Variants in GHR observed in about 807,000 individuals in gnomAD.
GHR encodes the protein GH receptor.
A neutral mutation model predicts 67.1 loss-of-function variants in GHR; 35 were observed. The ratio of observed to expected loss-of-function variants is 0.52; its 90% CI spans 0.40 to 0.69. The LOEUF (loss-of-function observed/expected upper bound fraction) is 0.69, where lower values mean the gene tolerates loss of function less well. GHR is among the 30% of genes least tolerant of loss of function. The probability of loss-of-function intolerance (pLI) is 0.00; values close to 1 mark genes in which losing one functional copy is unlikely to be tolerated. For missense variants in GHR, 792 were observed against 764.6 expected (o/e 1.04, Z -0.42); for synonymous variants, 272 against 269.1 (o/e 1.01, Z -0.10).
intron 1 of GHR, among the ~76,000 whole-genome samples, chr5:42,489,549 T>C (rs553264944): frequency 6.6e-6 from 1 of 152,286 alleles, no homozygotes; most frequent in East Asian, 1.9e-4. Context: ...TGATTGCCAT[T>C]TATTGAGCAG....
At position 42,435,091 on chromosome 5, in the gene GHR, A is replaced by G. The variant is rs562601231; in HGVS notation, c.-12+11136A>G. On this transcript the variant is annotated intron_variant, in intron 1 of 9. Coordinates refer to ENST00000230882, the MANE Select transcript of GHR (RefSeq NM_000163.5). ...GCAGATATAGAGAATTCCCTACAGT[A>G]TCTTTTTGAGCATAAAGACTTGAAA... is the stretch of plus-strand genomic sequence containing the variant. Among the ~76,000 whole-genome samples, 19 of 152,330 alleles carry G rather than the reference A, an allele frequency of 1.2e-4. No homozygotes were observed. In the South Asian group the frequency reaches 3.9e-3, roughly 32 times the overall value.
chr5:42,493,732 C>T (rs1004890251), intron 1 of GHR, among the ~76,000 whole-genome samples: 1 of 152,106 alleles, frequency 6.6e-6, no homozygotes, highest in Admixed American at 6.6e-5. Flanking sequence ...CATTTTTACA[C>T]GTTTAGGCCT....
chr5:42,617,646 C>T (rs1753230911), intron 2 of GHR, among the ~76,000 whole-genome samples: 1 of 152,192 alleles, frequency 6.6e-6, no homozygotes, highest in South Asian at 2.1e-4. Flanking sequence ...TTCCCACATT[C>T]GATCAGGGAA....
intron 1 of GHR, among the ~76,000 whole-genome samples, chr5:42,541,007 G>T (rs1324756242): frequency 1.8e-4 from 23 of 124,366 alleles, no homozygotes; most frequent in African/African-American, 6.0e-4. Flanking sequence ...GTTCCATATT[G>T]TTTTTTTACA....
At chr5:42,590,365 T>C (rs1306912258) in intron 2 of GHR, among the ~76,000 whole-genome samples, 1 of 152,026 alleles carries the variant, frequency 6.6e-6, no homozygotes, top group Non-Finnish European at 1.5e-5. Flanking sequence ...GAGAAATGTC[T>C]CTGCTGGGGA....
intron 1 of GHR, among the ~76,000 whole-genome samples, chr5:42,482,737 A>G (rs1745706295): frequency 6.6e-6 from 1 of 152,192 alleles, no homozygotes; most frequent in Non-Finnish European, 1.5e-5. Context: ...GGGAAAGTGC[A>G]GTATTAGGGT....
intron 1 of GHR, among the ~76,000 whole-genome samples, chr5:42,507,225 GA>G (rs984582260): frequency 2.8e-4 from 43 of 152,272 alleles, no homozygotes; most frequent in African/African-American, 9.9e-4. Flanking sequence ...ATAGTTAATA[GA>G]AAAATATTTC....
At chr5:42,618,863 T>C (rs1474006999) in intron 2 of GHR, among the ~76,000 whole-genome samples, 1 of 152,022 alleles carries the variant, frequency 6.6e-6, no homozygotes, top group Non-Finnish European at 1.5e-5. Flanking sequence ...GGGGCAAAGG[T>C]CCATTTAAGG....
At chr5:42,694,822 C>A in intron 4 of GHR, 95 bp from the exon 5 acceptor site, 1 of 922,512 alleles carries the variant, frequency 1.1e-6, no homozygotes, top group Non-Finnish European at 1.8e-6. Flanking sequence ...ATTTGTCTTC[C>A]AATTTATTGA....
At chr5:42,569,771 A>G (rs1750173310) in intron 2 of GHR, among the ~76,000 whole-genome samples, 1 of 152,094 alleles carries the variant, frequency 6.6e-6, no homozygotes, top group African/African-American at 2.4e-5. Context: ...TGTATATAGT[A>G]TATGTATGTG....
At position 42,720,697 on chromosome 5, in the gene GHR, G is replaced by A. The variant is rs1758976779; in HGVS notation, c.*1273G>A. 6.6e-6 allele frequency: 1 copy of A among 152,142 alleles called. No homozygotes were observed. Among genetic ancestry groups the A allele is most frequent in the African/African-American group, 2.4e-5 (1 of 41,426 alleles). 9.4% of individuals were successfully genotyped at this position (152,142 alleles called of 1,614,324 possible). On this transcript the variant is annotated 3_prime_UTR_variant, in exon 10 of 10. Transcript: ENST00000230882. ...ATAGACAGAAGAAACAAGGTTTTCAGTCCCCACAGATAACTGAAAATTATT... is the reference window on the plus strand; with the variant it reads ...ATAGACAGAAGAAACAAGGTTTTCAATCCCCACAGATAACTGAAAATTATT...
chr5:42,677,966 A>G (rs1342802589), intron 3 of GHR, among the ~76,000 whole-genome samples: 3 of 152,210 alleles, frequency 2.0e-5, no homozygotes, highest in Non-Finnish European at 4.4e-5. Context: ...ACAGTTAACA[A>G]ATCATAGGTT....
rs1461806137 is a variant in GHR, at chr5:42,719,214, A to G, written c.1707A>G (p.Thr569=). ...ACCAAGAGGACATTTACATCACCACAGAAAGCCTTACCACTGCTGCTGGGA... is the reference window on the plus strand; with the variant it reads ...ACCAAGAGGACATTTACATCACCACGGAAAGCCTTACCACTGCTGCTGGGA... ...SLNQEDIYIT[T]ESLTTAAGRP... Residue 569 remains threonine, a synonymous_variant, in exon 10 of 10, where the codon ACA becomes ACG. Coordinates refer to ENST00000230882, the MANE Select transcript of GHR (RefSeq NM_000163.5). The G allele has an allele frequency of 6.2e-7, 1 of 1,614,146 alleles. No homozygotes were observed. The highest frequency in any genetic ancestry group is 8.5e-7 in the Non-Finnish European group (1 of 1,180,000).
intron 3 of GHR, among the ~76,000 whole-genome samples, chr5:42,631,261 C>T (rs927502774): frequency 5.3e-5 from 8 of 152,156 alleles, no homozygotes; most frequent in East Asian, 1.9e-4. Context: ...ATACGTAAGA[C>T]GACTAGCTAA....
chr5:42,556,367 TA>T (rs1749309806), intron 1 of GHR, among the ~76,000 whole-genome samples: 1 of 152,196 alleles, frequency 6.6e-6, no homozygotes, highest in African/African-American at 2.4e-5. Context: ...TCCTATACCT[TA>T]TTTATCTCCT....
chr5:42,620,200 T>G (rs181938581), intron 2 of GHR, among the ~76,000 whole-genome samples: 1 of 152,288 alleles, frequency 6.6e-6, no homozygotes, highest in East Asian at 1.9e-4. Context: ...TCTGATGATG[T>G]ACTTTAGAAT....
intron 1 of GHR, among the ~76,000 whole-genome samples, chr5:42,474,869 C>CTT (rs775591338): frequency 9.4e-6 from 1 of 106,658 alleles, no homozygotes; most frequent in African/African-American, 3.4e-5. Flanking sequence ...ACATTTTTTT[C>CTT]TTTTTTTTTT....
In GHR at chr5:42,463,770, G is replaced by T. The variant is rs1294223743; in HGVS notation, c.-12+39815G>T. On this transcript the variant is annotated intron_variant, in intron 1 of 9. Coordinates refer to ENST00000230882, the MANE Select transcript of GHR (RefSeq NM_000163.5). ...GCACTTTGGGAGGCCGAGGCGGGTG[G>T]ATCACGAGGTCAGGAGATCGAGACC... Among the ~76,000 whole-genome samples the T allele has an allele frequency of 2.0e-5, 3 of 151,840 alleles. No individual in the cohort carries two copies. In the East Asian group the frequency reaches 5.8e-4, roughly 29 times the overall value.
intron 3 of GHR, among the ~76,000 whole-genome samples, chr5:42,687,736 A>G (rs949776138): frequency 2.0e-5 from 3 of 152,352 alleles, no homozygotes; most frequent in South Asian, 4.1e-4. Flanking sequence ...GAGATCTTTC[A>G]AAGTATTGAC....
Sources: gnomAD v4.1 joint callset for allele counts (sites outside exome capture counted in the v4.1 genomes callset) on GRCh38, gnomAD v4.1.1 for gene constraint, MANE v1.5 for transcripts, NCBI Gene and HGNC (gene_info 2026-07-23, HGNC 2026-07-21) for gene names.